Variants in ZSCAN25 observed in about 807,000 individuals in gnomAD.
The protein encoded by ZSCAN25 is zinc finger and SCAN domain-containing protein 25.
ZSCAN25 carries 27 observed loss-of-function variants against 38.7 expected under a neutral mutation model. The ratio of observed to expected loss-of-function variants is 0.70; its 90% CI spans 0.51 to 0.96. The LOEUF (loss-of-function observed/expected upper bound fraction) is 0.96. Among genes scored for constraint, ZSCAN25 ranks in the 40% least tolerant of loss-of-function variants. The probability of loss-of-function intolerance (pLI) is 0.00; values close to 1 mark genes in which losing one functional copy is unlikely to be tolerated. For synonymous variants in ZSCAN25, 273 were observed against 277.7 expected (o/e 0.98, Z 0.17); for missense variants, 637 against 705.9 (o/e 0.90, Z 1.11).
intron 7 of ZSCAN25, among the ~76,000 whole-genome samples, chr7:99,625,656 C>T (rs1807405046): frequency 6.6e-6 from 1 of 152,194 alleles, no homozygotes; most frequent in South Asian, 2.1e-4. Context: ...TGCCAGTGTC[C>T]TGGTGCCAGG....
chr7:99,630,231 A>C lies in ZSCAN25; in HGVS notation c.*211A>C, dbSNP rs748556844. 3.2e-5 allele frequency: 43 copies of C among 1,345,692 alleles called. No homozygotes were observed. The highest frequency in any genetic ancestry group is 5.5e-4 in the Middle Eastern group (2 of 3,660). 83.4% of individuals were successfully genotyped at this position (1,345,692 alleles called of 1,614,324 possible). ...AGTGGTGCTAAACAATTTTTCTTCC[A>C]ATGTTTGAGGGAAGCAGTCTCCTGC... is the stretch of plus-strand genomic sequence containing the variant. On this transcript the variant is annotated 3_prime_UTR_variant, in exon 8 of 8. Coordinates refer to ENST00000394152, the MANE Select transcript of ZSCAN25 (RefSeq NM_145115.3).
chr7:99,684,675 T>A, the ZSCAN25 span, among the ~76,000 whole-genome samples: 1 of 152,226 alleles, frequency 6.6e-6, no homozygotes, highest in Non-Finnish European at 1.5e-5. Flanking sequence ...AAGTATCCGA[T>A]GATACTTTTG....
At chr7:99,661,382 A>G in the ZSCAN25 span, among the ~76,000 whole-genome samples, 1 of 152,212 alleles carries the variant, frequency 6.6e-6, no homozygotes, top group Non-Finnish European at 1.5e-5. Flanking sequence ...CAGGCAATAC[A>G]AGATCTAGGG....
chr7:99,730,697 C>A, the ZSCAN25 span: 1 of 241,134 alleles, frequency 4.1e-6, no homozygotes, highest in Non-Finnish European at 8.1e-6. Flanking sequence ...AAGCCACAAT[C>A]AGGGGCTCCT....
chr7:99,730,452 C>G, the ZSCAN25 span: 1 of 153,640 alleles, frequency 6.5e-6, no homozygotes, highest in Non-Finnish European at 1.4e-5. Context: ...TGTTCTGTGT[C>G]TCAAAGTGGC....
the ZSCAN25 span, chr7:99,649,943 A>G: frequency 7.6e-6 from 9 of 1,187,008 alleles, no homozygotes; most frequent in East Asian, 2.6e-5. Flanking sequence ...TTAATGATCA[A>G]AGATGGATCC....
the ZSCAN25 span, among the ~76,000 whole-genome samples, chr7:99,693,288 C>T: frequency 2.6e-5 from 4 of 152,108 alleles, no homozygotes; most frequent in East Asian, 1.9e-4. Flanking sequence ...GAGGGGCACC[C>T]GCATGTTTGA....
At chr7:99,695,412 C>G in the ZSCAN25 span, among the ~76,000 whole-genome samples, 2 of 152,138 alleles carry the variant, frequency 1.3e-5, no homozygotes, top group African/African-American at 4.8e-5. Flanking sequence ...ACTCTTAATA[C>G]TAACTAAATA....
downstream of ZSCAN25, among the ~76,000 whole-genome samples, chr7:99,632,989 G>C (rs78428863): frequency 7.8e-6 from 1 of 128,528 alleles, no homozygotes; most frequent in Non-Finnish European, 1.6e-5. Context: ...ATTTTCTGTT[G>C]TTTTTTTTTT....
the ZSCAN25 span, among the ~76,000 whole-genome samples, chr7:99,718,131 G>A: frequency 1.1e-4 from 16 of 152,078 alleles, 2 homozygotes; most frequent in Admixed American, 9.2e-4. Context: ...GTGGGGTGGG[G>A]AGAGGGGGGA....
At chr7:99,718,542 T>C in the ZSCAN25 span, among the ~76,000 whole-genome samples, 40 of 152,208 alleles carry the variant, frequency 2.6e-4, no homozygotes, top group Non-Finnish European at 3.7e-4. Flanking sequence ...TTCCTCCATT[T>C]GATAAAGAGA....
At chr7:99,672,503 G>T in the ZSCAN25 span, 1 of 1,276,320 alleles carries the variant, frequency 7.8e-7, no homozygotes, top group Non-Finnish European at 1.1e-6. Context: ...AACCTTCTGT[G>T]AATATATGTT....
At chr7:99,627,770 ATC>A (rs541063829) in intron 7 of ZSCAN25, among the ~76,000 whole-genome samples, 142 of 151,872 alleles carry the variant, frequency 9.3e-4, no homozygotes, top group African/African-American at 2.7e-3. Context: ...GTATACGTAT[ATC>A]TCGTATATGC....
chr7:99,732,157 T>G, the ZSCAN25 span, among the ~76,000 whole-genome samples: 1 of 152,196 alleles, frequency 6.6e-6, no homozygotes, highest in South Asian at 2.1e-4. Flanking sequence ...TGCTGTCCTC[T>G]TGACAATGAG....
the ZSCAN25 span, among the ~76,000 whole-genome samples, chr7:99,706,996 G>T: frequency 2.0e-5 from 3 of 152,198 alleles, no homozygotes; most frequent in African/African-American, 7.2e-5. Context: ...GAAATTATAT[G>T]ATAATAGCCT....
the ZSCAN25 span, chr7:99,734,988 G>A: frequency 6.2e-7 from 1 of 1,613,802 alleles, no homozygotes; most frequent in African/African-American, 1.3e-5. Flanking sequence ...CCAAGTCCAA[G>A]GAAACAGAGA....
chr7:99,671,767 G>GC, the ZSCAN25 span: 1 of 701,548 alleles, frequency 1.4e-6, no homozygotes, highest in African/African-American at 1.7e-5. Context: ...CTCTGATATA[G>GC]AACCTGTCAG....
the ZSCAN25 span, among the ~76,000 whole-genome samples, chr7:99,639,938 G>GCGT: frequency 2.6e-5 from 4 of 152,220 alleles, no homozygotes; most frequent in Admixed American, 6.5e-5. Context: ...ATAGTGGCAT[G>GCGT]CGTCTGTAGT....
the ZSCAN25 span, chr7:99,638,321 C>A: frequency 6.2e-7 from 1 of 1,605,662 alleles, no homozygotes; most frequent in Non-Finnish European, 8.5e-7. Flanking sequence ...GCTGCCCATA[C>A]CAGTTCCTGT....
Sources: gnomAD v4.1 joint callset for allele counts (sites outside exome capture counted in the v4.1 genomes callset) on GRCh38, gnomAD v4.1.1 for gene constraint, MANE v1.5 for transcripts, NCBI Gene and HGNC (gene_info 2026-07-23, HGNC 2026-07-21) for gene names.